The following ADCY9 variants were observed in gnomAD, a reference collection of about 807,000 sequenced individuals.
ADCY9 encodes the protein adenylate cyclase type 9.
A neutral mutation model predicts 101.5 loss-of-function variants in ADCY9; 50 were observed. The observed-to-expected ratio is 0.49, with a 90% confidence interval of 0.39 to 0.62. ADCY9 has a LOEUF of 0.62. Among genes scored for constraint, ADCY9 ranks in the 20% least tolerant of loss-of-function variants. The pLI is 0.00. For missense variants in ADCY9, 1,662 were observed against 1,800.4 expected, an observed-to-expected ratio of 0.92 and a Z score of 1.39; for synonymous variants, 905 against 769.3, an observed-to-expected ratio of 1.18 and a Z score of -2.92.
intron 3 of ADCY9, among the ~76,000 whole-genome samples, chr16:3,993,769 T>C (rs1412841161): frequency 6.6e-6 from 1 of 152,160 alleles, no homozygotes; most frequent in African/African-American, 2.4e-5. Flanking sequence ...ATCAACAAAC[T>C]GTGGTCTATT....
At chr16:4,025,025 C>T (rs540327290) in intron 2 of ADCY9, among the ~76,000 whole-genome samples, 98 of 150,870 alleles carry the variant, frequency 6.5e-4, no homozygotes, top group African/African-American at 2.3e-3. Flanking sequence ...ATGTTTTGAA[C>T]GGCCAGGGAA....
At chr16:4,097,137 C>A (rs2057008424) in intron 2 of ADCY9, among the ~76,000 whole-genome samples, 1 of 152,050 alleles carries the variant, frequency 6.6e-6, no homozygotes, top group South Asian at 2.1e-4. Flanking sequence ...TCCTGGGCCT[C>A]CCCTAAGCAC....
chr16:4,026,042 T>C (rs1195379431), intron 2 of ADCY9, among the ~76,000 whole-genome samples: 1 of 152,158 alleles, frequency 6.6e-6, no homozygotes, highest in East Asian at 1.9e-4. Context: ...CACTTAACTA[T>C]TTGTTGGGTG....
chr16:4,113,261 C>T (rs1406635073), intron 2 of ADCY9, among the ~76,000 whole-genome samples: 1 of 151,862 alleles, frequency 6.6e-6, no homozygotes, highest in Non-Finnish European at 1.5e-5. Context: ...AGGACTGCGC[C>T]GACTTCCTAT....
chr16:4,075,233 G>A (rs897908467), intron 2 of ADCY9, among the ~76,000 whole-genome samples: 1 of 152,148 alleles, frequency 6.6e-6, no homozygotes, highest in Non-Finnish European at 1.5e-5. Flanking sequence ...CCGCCTCCCG[G>A]GTTCAAGCAA....
At chr16:3,958,323 C>T (rs1240943598), downstream of ADCY9, among the ~76,000 whole-genome samples, 2 of 152,088 alleles carry the variant, frequency 1.3e-5, no homozygotes, top group East Asian at 3.9e-4. Context: ...GGGCAGATCA[C>T]CTGAGATCAG....
Position 3,993,413 on chromosome 16 carries a change from C to T in ADCY9, c.1982G>A (p.Ser661Asn). The change falls in exon 4 of 11, where the codon AGC becomes AAC. Residue 661 changes from serine (S) to asparagine (N), a missense_variant. Transcript: ENST00000294016. ...QNGCQDEHKN[S>N]TKASGGPNPK... ...CAGCCATGAGCTTGTTACCTTGGTG[C>T]TGTTTTTATGCTCGTCTTGGCAGCC... 1 of 1,614,016 alleles carries T rather than the reference C, an allele frequency of 6.2e-7. No homozygotes were observed. The highest frequency in any genetic ancestry group is 8.5e-7 in the Non-Finnish European group (1 of 1,179,848).
chr16:4,097,219 G>T (rs1458993194), intron 2 of ADCY9, among the ~76,000 whole-genome samples: 9 of 151,800 alleles, frequency 5.9e-5, no homozygotes, highest in African/African-American at 2.2e-4. Flanking sequence ...GTCCCAAGCT[G>T]TCCACACTCT....
intron 2 of ADCY9, among the ~76,000 whole-genome samples, chr16:4,052,189 A>G (rs1312612926): frequency 6.6e-6 from 1 of 152,220 alleles, no homozygotes; most frequent in African/African-American, 2.4e-5. Flanking sequence ...TTCTCTTAAA[A>G]AAATGTCAAG....
chr16:4,097,088 A>G lies in ADCY9; in HGVS notation c.1693+16662T>C, dbSNP rs552024560. The stretch of plus-strand genomic sequence containing the variant: ...TTGAAATCTCCATCTTACAAAGCTT[A>G]AAAACAATTGCCAGAACTAGGCCGT... On this transcript the variant is annotated intron_variant, in intron 2 of 10. Coordinates refer to ENST00000294016, the MANE Select transcript of ADCY9 (RefSeq NM_001116.4). Among the ~76,000 whole-genome samples the G allele has an allele frequency of 5.3e-4, 80 of 152,192 alleles. No homozygotes were observed. The Middle Eastern group carries it at 0.014, about 26-fold the overall frequency.
chr16:3,977,852 G>A (rs902196157), intron 8 of ADCY9, among the ~76,000 whole-genome samples: 3 of 152,130 alleles, frequency 2.0e-5, no homozygotes, highest in Admixed American at 2.0e-4. Flanking sequence ...GAGTAGCTGG[G>A]ATGACAGGCT....
At chr16:4,038,588 C>T (rs1013791747) in intron 2 of ADCY9, among the ~76,000 whole-genome samples, 2 of 152,224 alleles carry the variant, frequency 1.3e-5, no homozygotes, top group African/African-American at 4.8e-5. Flanking sequence ...AGCAGTAAAA[C>T]GGACTGAGAT....
chr16:4,043,647 G>A (rs113178113), intron 2 of ADCY9, among the ~76,000 whole-genome samples: 3,959 of 152,056 alleles, frequency 0.026, 189 homozygotes, highest in African/African-American at 0.09. Flanking sequence ...CCAAGATTCC[G>A]CCACTGCATT....
At chr16:4,074,468 G>C (rs527300845) in intron 2 of ADCY9, among the ~76,000 whole-genome samples, 3 of 151,436 alleles carry the variant, frequency 2.0e-5, no homozygotes, top group Non-Finnish European at 4.4e-5. Context: ...GTAGAGGTGG[G>C]AGGAGCACTT....
rs1402363902 is a variant in ADCY9, at chr16:4,114,930, A to G, written c.513T>C (p.His171=). The change falls in exon 2 of 11, where the codon CAT becomes CAC. Residue 171 remains histidine (H), a synonymous_variant. Coordinates refer to ENST00000294016, the MANE Select transcript of ADCY9 (RefSeq NM_001116.4). This position sits in a 1 kb window ranked among gnomAD's most constrained non-coding sequence, Gnocchi z 4.3. ...TGAGAGCCAGCGAGGTCCACGCGTA[A>G]TGCCGGGCGTACAGCTTGGTGAAGG... ...LFTFTKLYAR[H]YAWTSLALTL... 6.2e-7 allele frequency: 1 copy of G among 1,613,924 alleles called. No individual in the cohort carries two copies. The highest frequency in any genetic ancestry group is 8.5e-7 in the Non-Finnish European group (1 of 1,180,018).
chr16:4,101,784 T>G (rs561131482), intron 2 of ADCY9, among the ~76,000 whole-genome samples: 1 of 152,160 alleles, frequency 6.6e-6, no homozygotes, highest in African/African-American at 2.4e-5. Flanking sequence ...GGCCAATAGC[T>G]GGAGTTGCAC....
chr16:4,099,944 G>A (rs1366235603), intron 2 of ADCY9, among the ~76,000 whole-genome samples: 1 of 152,190 alleles, frequency 6.6e-6, no homozygotes, highest in African/African-American at 2.4e-5. Flanking sequence ...GTCACAGGGA[G>A]GCTGAGGTAC....
intron 2 of ADCY9, among the ~76,000 whole-genome samples, chr16:4,033,391 A>G (rs1034715807): frequency 3.7e-4 from 56 of 151,532 alleles, no homozygotes; most frequent in African/African-American, 1.3e-3. Context: ...TTCCATCCAC[A>G]CAGGAGACAG....
intron 10 of ADCY9, among the ~76,000 whole-genome samples, chr16:3,973,723 C>A (rs896469408): frequency 6.6e-6 from 1 of 150,606 alleles, no homozygotes; most frequent in African/African-American, 2.4e-5. Context: ...GAACTCCAGG[C>A]CTCAAGTAAT....
Sources: gnomAD v4.1 joint callset for allele counts (sites outside exome capture counted in the v4.1 genomes callset) on GRCh38, gnomAD v4.1.1 for gene constraint, Gnocchi (gnomAD v3.1) non-coding constraint, MANE v1.5 for transcripts, NCBI Gene and HGNC (gene_info 2026-07-23, HGNC 2026-07-21) for gene names.